CELA2A: variants seen among roughly 807,000 people sequenced by gnomAD.
The protein encoded by CELA2A is chymotrypsin like elastase 2A, also known as chymotrypsin-like elastase family member 2A.
A neutral mutation model predicts 35.3 loss-of-function variants in CELA2A; 31 were observed. That is an observed-to-expected ratio of 0.88 (90% CI 0.66 to 1.19). CELA2A has a LOEUF of 1.19. Among genes scored for constraint, CELA2A ranks in the 50% most tolerant of loss-of-function variants. The probability of loss-of-function intolerance (pLI) is 0.00; values close to 1 mark genes in which losing one functional copy is unlikely to be tolerated. For missense variants in CELA2A, 330 were observed against 352.9 expected (o/e 0.94, Z 0.52); for synonymous variants, 150 against 149.8 (o/e 1.00, Z -0.01).
rs768429269 is a variant in CELA2A, at chr1:15,467,518, T to G, written c.772T>G (p.Tyr258Asp). Reference sequence around the variant, plus strand: ...CTCCGTCTTCACGCGGGTCTCCAATTACATCGACTGGATCAATTCGGTAAG... The same window carrying G: ...CTCCGTCTTCACGCGGGTCTCCAATGACATCGACTGGATCAATTCGGTAAG... ...KPSVFTRVSN[Y>D]IDWINSVIAN... Residue 258 changes from tyrosine (Y) to aspartate (D), a missense_variant, in exon 7 of 8, where the codon TAC becomes GAC. Transcript: ENST00000359621. 1.9e-6 allele frequency: 3 copies of G among 1,614,124 alleles called. No individual in the cohort carries two copies. The highest frequency in any genetic ancestry group is 2.5e-6 in the Non-Finnish European group (3 of 1,180,036).
At chr1:15,463,120 C>T (rs573956736) in intron 4 of CELA2A, 32 of 710,456 alleles carry the variant, frequency 4.5e-5, no homozygotes, top group East Asian at 2.4e-4. Flanking sequence ...GTCCGCTGAG[C>T]ATGTATCTAC....
In CELA2A at chr1:15,457,148, G is replaced by A. The variant is rs1461529871; in HGVS notation, c.103G>A (p.Ala35Thr). 1.2e-6 allele frequency: 2 copies of A among 1,614,172 alleles called. No individual in the cohort carries two copies. ...YVTRVVGGEE[A>T]RPNSWPWQVS... Reference sequence around the variant, plus strand: ...GACTAGGGTGGTTGGCGGTGAAGAAGCGAGGCCCAACAGCTGGCCCTGGCA... The same window carrying A: ...GACTAGGGTGGTTGGCGGTGAAGAAACGAGGCCCAACAGCTGGCCCTGGCA... The change falls in exon 2 of 8, where the codon GCG becomes ACG. Residue 35 changes from alanine to threonine, a missense_variant. Ala to Thr is a moderately conservative substitution (Grantham distance 58). Coordinates refer to ENST00000359621, the MANE Select transcript of CELA2A (RefSeq NM_033440.3).
In CELA2A at chr1:15,461,627, A is replaced by G; in HGVS notation, c.196A>G (p.Ser66Gly). ...HTCGGSLIAN[S>G]WVLTAAHCIS... ...CTGCGGAGGGTCCCTGATAGCCAAC[A>G]GCTGGGTCCTGACGGCTGCCCACTG... Residue 66 changes from serine (S) to glycine (G), a missense_variant, in exon 3 of 8, where the codon AGC (serine) becomes GGC (glycine). Coordinates refer to ENST00000359621, the MANE Select transcript of CELA2A (RefSeq NM_033440.3). The G allele has an allele frequency of 1.2e-6, 2 of 1,613,464 alleles. No individual in the cohort carries two copies. The highest frequency in any genetic ancestry group is 1.7e-6 in the Non-Finnish European group (2 of 1,180,038).
chr1:15,459,702 G>A lies in CELA2A; in HGVS notation c.130-1859G>A, dbSNP rs199871676. On this transcript the variant is annotated intron_variant, in intron 2 of 7. Transcript: ENST00000359621. Reference sequence around the variant, plus strand: ...GAACCAGTGAATGTTAATCCATGAAGAGTCCCTATGCTTTGTGCTTCTGTT... The same window carrying A: ...GAACCAGTGAATGTTAATCCATGAAAAGTCCCTATGCTTTGTGCTTCTGTT... Among the ~76,000 whole-genome samples the A allele has an allele frequency of 2.2e-4, 33 of 152,238 alleles. No homozygotes were observed. The East Asian group carries it at 5.4e-3, about 25-fold the overall frequency.
chr1:15,462,755 G>T lies in CELA2A; in HGVS notation c.250G>T (p.Gly84Trp). 1 of 1,614,062 alleles carries T rather than the reference G, an allele frequency of 6.2e-7. No homozygotes were observed. Among genetic ancestry groups the T allele is most frequent in the African/African-American group, 1.3e-5 (1 of 75,028 alleles). The change falls in exon 4 of 8, where the codon GGG becomes TGG. Residue 84 changes from glycine (G) to tryptophan (W), a missense_variant. Coordinates refer to ENST00000359621, the MANE Select transcript of CELA2A (RefSeq NM_033440.3). Reference protein sequence around the residue: ...CISSSRTYRVGLGRHNLYVAE... With the variant: ...CISSSRTYRVWLGRHNLYVAE... ...CAGCTCCTCCAGGACCTACCGCGTGGGGCTGGGCCGGCACAACCTCTACGT... is the reference window on the plus strand; with the variant it reads ...CAGCTCCTCCAGGACCTACCGCGTGTGGCTGGGCCGGCACAACCTCTACGT...
chr1:15,470,143 G>A (rs994730117), intron 7 of CELA2A, among the ~76,000 whole-genome samples: 9 of 152,176 alleles, frequency 5.9e-5, no homozygotes, highest in African/African-American at 2.2e-4. Context: ...TCAGAAGGGG[G>A]AGAGCCAAGC....
intron 7 of CELA2A, among the ~76,000 whole-genome samples, chr1:15,469,564 C>A (rs926490598): frequency 3.3e-5 from 5 of 152,290 alleles, no homozygotes; most frequent in Admixed American, 2.0e-4. Context: ...TGGCTGCTTC[C>A]AAGTGTTCCC....
intron 1 of CELA2A, 134 bp downstream of exon 1, chr1:15,456,927 G>A: frequency 7.5e-7 from 1 of 1,340,588 alleles, no homozygotes. Context: ...ACATTGGAAT[G>A]GAGTTTCAAA....
intron 7 of CELA2A, among the ~76,000 whole-genome samples, chr1:15,470,986 A>T (rs1266077782): frequency 6.6e-6 from 1 of 152,182 alleles, no homozygotes; most frequent in East Asian, 1.9e-4. Context: ...CTAAGATCTG[A>T]GTCTTCATAC....
At chr1:15,467,327 G>A (rs1708531694) in intron 6 of CELA2A, 59 bp from the exon 7 acceptor site, 4 of 1,544,548 alleles carry the variant, frequency 2.6e-6, no homozygotes, top group Admixed American at 1.7e-5. Context: ...GAGAACAATG[G>A]TTCCAATGGG....
intron 2 of CELA2A, among the ~76,000 whole-genome samples, chr1:15,458,908 TAAAAAAAAAAAAAAAAAAAAAAAAAAAAA>T (rs60002826): frequency 1.2e-3 from 50 of 40,196 alleles, no homozygotes; most frequent in African/African-American, 1.6e-3. Context: ...GTGAGATCCA[TAAAAAAAAAAAAAAAAAAAAAAAAAAAAA>T]AAAAAAAAAA....
chr1:15,465,362 T>A (rs1253974789), intron 5 of CELA2A, among the ~76,000 whole-genome samples: 1 of 152,058 alleles, frequency 6.6e-6, no homozygotes, highest in African/African-American at 2.4e-5. Context: ...GTTAATCTCA[T>A]CCTTGCCACT....
chr1:15,466,667 G>A (rs1708522050), intron 6 of CELA2A, among the ~76,000 whole-genome samples: 1 of 152,084 alleles, frequency 6.6e-6, no homozygotes, highest in Non-Finnish European at 1.5e-5. Flanking sequence ...GTCCTTCCCT[G>A]GGTCTCATCA....
chr1:15,462,283 G>A (rs1708446161), intron 3 of CELA2A: 1 of 465,422 alleles, frequency 2.1e-6, no homozygotes, highest in Admixed American at 2.4e-5. Flanking sequence ...GGAGGTATTG[G>A]GGAAAATAAT....
chr1:15,464,829 G>C, intron 5 of CELA2A, among the ~76,000 whole-genome samples: 1 of 151,998 alleles, frequency 6.6e-6, no homozygotes, highest in Non-Finnish European at 1.5e-5. Flanking sequence ...TGTCAGTCAC[G>C]GTGAAACCTT....
intron 2 of CELA2A, among the ~76,000 whole-genome samples, chr1:15,457,907 A>G (rs1237201879): frequency 6.6e-6 from 1 of 152,224 alleles, no homozygotes; most frequent in African/African-American, 2.4e-5. Context: ...ATGTTTTCTT[A>G]AGTTGATATA....
chr1:15,462,714 T>C lies in CELA2A; in HGVS notation c.228-19T>C, dbSNP rs1708452348. On this transcript the variant is annotated intron_variant, in intron 3 of 7. Transcript: ENST00000359621. ...AGGCCTCTGGAGGTGACCCTCTCCC[T>C]GGGCCCCCTTTCTCCCAGCTCCTCC... 1.9e-6 allele frequency: 3 copies of C among 1,613,686 alleles called. No individual in the cohort carries two copies. Among genetic ancestry groups the C allele is most frequent in the Non-Finnish European group, 2.5e-6 (3 of 1,179,792 alleles).
At position 15,464,353 on chromosome 1, in the gene CELA2A, G is replaced by A. The variant is rs140597283; in HGVS notation, c.493+831G>A. On this transcript the variant is annotated intron_variant, in intron 5 of 7. Coordinates refer to ENST00000359621, the MANE Select transcript of CELA2A (RefSeq NM_033440.3). ...TGCTGCTCAGAACCTGAATGAGGGC[G>A]GGTCTCCTTTGACATAGACTCCAAG... Among the ~76,000 whole-genome samples, 110 of 152,114 alleles carry A rather than the reference G, an allele frequency of 7.2e-4. 1 individual carries two copies. Among genetic ancestry groups the A allele is most frequent in the African/African-American group, 2.5e-3 (103 of 41,484 alleles).
chr1:15,462,139 C>T (rs200114454), intron 3 of CELA2A: 46 of 471,386 alleles, frequency 9.8e-5, no homozygotes, highest in Non-Finnish European at 2.6e-5. Context: ...GGTTCTGCAA[C>T]GTTGTTCACT....
Sources: allele counts gnomAD v4.1 joint callset (sites outside exome capture counted in the v4.1 genomes callset), GRCh38; gene constraint gnomAD v4.1.1; transcripts MANE v1.5; gene names NCBI Gene and HGNC (gene_info 2026-07-23, HGNC 2026-07-21).